The following MYOM1 variants were observed in gnomAD, a reference collection of about 807,000 sequenced individuals.
MYOM1 encodes myomesin-1.
A neutral mutation model predicts 205.3 loss-of-function variants in MYOM1; 164 were observed. The observed-to-expected ratio is 0.80, with a 90% CI of 0.70 to 0.91. The LOEUF is 0.91. Among genes scored for constraint, MYOM1 ranks in the 40% least tolerant of loss-of-function variants. The pLI, the probability that MYOM1 is intolerant of heterozygous loss-of-function variation, is 0.00. For missense variants in MYOM1, 2,011 were observed against 2,127.3 expected, an observed-to-expected ratio of 0.95 and a Z score of 1.08; for synonymous variants, 772 against 789.4, an observed-to-expected ratio of 0.98 and a Z score of 0.37.
chr18:3,109,178 T>C (rs1222124633), intron 22 of MYOM1, among the ~76,000 whole-genome samples: 8 of 151,824 alleles, frequency 5.3e-5, no homozygotes, highest in Non-Finnish European at 1.2e-4. Flanking sequence ...AGATGGGGTT[T>C]CACCATGTTG....
Position 3,179,978 on chromosome 18 carries a change from A to AT in MYOM1, c.930-3845dup, listed in dbSNP as rs1270130381. On this transcript the variant is annotated intron_variant, in intron 5 of 37. Coordinates refer to ENST00000356443, the MANE Select transcript of MYOM1 (RefSeq NM_003803.4). The surrounding 1 kb of genome is among the most constrained non-coding windows in gnomAD (Gnocchi z 4.4). ...CGGCTTCGGATCAAAAGTATTGCTCATATCTCTATAAAATTTTCATTACAA... is the reference window on the plus strand; with the variant it reads ...CGGCTTCGGATCAAAAGTATTGCTCATTATCTCTATAAAATTTTCATTACAA... 1.3e-5 allele frequency among the ~76,000 whole-genome samples: 2 copies of AT among 151,996 alleles called. No homozygotes were observed. The highest frequency in any genetic ancestry group is 1.3e-4 in the Admixed American group (2 of 15,254).
At position 3,161,209 on chromosome 18, in the gene MYOM1, T is replaced by C. The variant is rs558447912; in HGVS notation, c.1501+3069A>G. 2.0e-5 allele frequency among the ~76,000 whole-genome samples: 3 copies of C among 152,294 alleles called. No homozygotes were observed. The East Asian group carries it at 5.8e-4, about 29-fold the overall frequency. On this transcript the variant is annotated intron_variant, in intron 10 of 37. Transcript: ENST00000356443. ...TGATATAGACTTTTTCATGATGCCT[T>C]TGTGGTGGAGAAAGCCTTATATGCT... is the stretch of plus-strand genomic sequence containing the variant.
intron 21 of MYOM1, 30 bp downstream of exon 21, chr18:3,116,301 A>G (rs1460848963): frequency 6.2e-7 from 1 of 1,601,090 alleles, no homozygotes; most frequent in East Asian, 2.2e-5. Context: ...CAGTTAGTAG[A>G]GGAAGCTCTA....
chr18:3,127,299 ATATATATTTTTT>A (rs1341701738), intron 18 of MYOM1, among the ~76,000 whole-genome samples: 119 of 49,888 alleles, frequency 2.4e-3, no homozygotes, highest in African/African-American at 9.3e-3. Context: ...ATATATATAT[ATATATATTTTTT>A]TTTTTTTTTT....
At chr18:3,071,910 G>A (rs1029829638) in intron 36 of MYOM1, 21 bp from the exon 37 acceptor site, 3 of 1,596,658 alleles carry the variant, frequency 1.9e-6, no homozygotes, top group Non-Finnish European at 2.6e-6. Flanking sequence ...AGGCATTTTG[G>A]GTTAATCACT....
upstream of MYOM1, among the ~76,000 whole-genome samples, chr18:3,222,451 A>C (rs1287444483): frequency 1.3e-5 from 2 of 152,206 alleles, no homozygotes; most frequent in Admixed American, 1.3e-4. Context: ...TTTCACAGGG[A>C]TCTTGAGTAT....
Position 3,135,796 on chromosome 18 carries a change from A to G in MYOM1, c.2026-66T>C. 6.4e-7 allele frequency: 1 copy of G among 1,566,742 alleles called. No homozygotes were observed. Among genetic ancestry groups the G allele is most frequent in the Admixed American group, 1.8e-5 (1 of 57,032 alleles). On this transcript the variant is annotated intron_variant, in intron 14 of 37. Transcript: ENST00000356443. The surrounding 1 kb of genome is among the most constrained non-coding windows in gnomAD (Gnocchi z 4.1). ...CACAAGCGAGAATCCAGGCCAGGCAACTCCAAGTTTCATTCATCTGCAACA... is the reference window on the plus strand; with the variant it reads ...CACAAGCGAGAATCCAGGCCAGGCAGCTCCAAGTTTCATTCATCTGCAACA...
chr18:3,137,142 G>C (rs573724522), intron 14 of MYOM1, among the ~76,000 whole-genome samples: 1 of 151,906 alleles, frequency 6.6e-6, no homozygotes, highest in African/African-American at 2.4e-5. Context: ...AGTAGAGGGG[G>C]GTTTCACCGT....
chr18:3,118,200 G>A (rs1262556219), intron 20 of MYOM1, among the ~76,000 whole-genome samples: 1 of 152,120 alleles, frequency 6.6e-6, no homozygotes, highest in Non-Finnish European at 1.5e-5. Context: ...CTTCCATAAG[G>A]GATTTCTTGA....
At chr18:3,129,189 G>A (rs778791918) in intron 18 of MYOM1, 43 bp downstream of exon 18, 7 of 1,584,874 alleles carry the variant, frequency 4.4e-6, no homozygotes, top group Non-Finnish European at 6.0e-6. Context: ...GGTGAGGACA[G>A]TGATGGAGAC....
At chr18:3,238,978 GATAATCTCTGTATTTTA>G in the MYOM1 span, among the ~76,000 whole-genome samples, 1 of 152,168 alleles carries the variant, frequency 6.6e-6, no homozygotes, top group East Asian at 1.9e-4. Flanking sequence ...GATAGTACAG[GATAATCTCTGTATTTTA>G]AGATCAGCTC....
At position 3,179,178 on chromosome 18, in the gene MYOM1, T is replaced by C. The variant is rs1398576617; in HGVS notation, c.930-3044A>G. On this transcript the variant is annotated intron_variant, in intron 5 of 37. Coordinates refer to ENST00000356443, the MANE Select transcript of MYOM1 (RefSeq NM_003803.4). The surrounding 1 kb of genome is among the most constrained non-coding windows in gnomAD (Gnocchi z 4.4). ...GCCACTGTGCCTGGCCTGATCCACATTTACTTCTATTCCTACTCCTGAGGA... is the reference window on the plus strand; with the variant it reads ...GCCACTGTGCCTGGCCTGATCCACACTTACTTCTATTCCTACTCCTGAGGA... Among the ~76,000 whole-genome samples, 1 of 152,072 alleles carries C rather than the reference T, an allele frequency of 6.6e-6. No homozygotes were observed. The highest frequency in any genetic ancestry group is 1.9e-4 in the East Asian group (1 of 5,190).
chr18:3,109,127 C>T (rs1370896511), intron 22 of MYOM1, among the ~76,000 whole-genome samples: 4 of 151,682 alleles, frequency 2.6e-5, no homozygotes, highest in African/African-American at 4.8e-5. Context: ...ATTACAGATG[C>T]CCGCCACACG....
At chr18:3,203,276 T>C (rs2081089501) in intron 2 of MYOM1, among the ~76,000 whole-genome samples, 1 of 149,698 alleles carries the variant, frequency 6.7e-6, no homozygotes, top group Admixed American at 6.7e-5. Context: ...AGAAGGGCAA[T>C]ATAATGAAGA....
the MYOM1 span, among the ~76,000 whole-genome samples, chr18:3,242,718 A>G: frequency 6.6e-6 from 1 of 152,184 alleles, no homozygotes; most frequent in African/African-American, 2.4e-5. Flanking sequence ...CATGTTGGCC[A>G]GGCTAGTCTC....
At chr18:3,131,566 G>A in intron 16 of MYOM1, 70 bp from the exon 17 acceptor site, 1 of 1,368,278 alleles carries the variant, frequency 7.3e-7, no homozygotes, top group Admixed American at 2.0e-5. Context: ...TTAGCTTAAT[G>A]GAGTGGATCT....
the MYOM1 span, among the ~76,000 whole-genome samples, chr18:3,242,630 T>TC: frequency 6.6e-6 from 1 of 152,150 alleles, no homozygotes; most frequent in African/African-American, 2.4e-5. Context: ...AACCTCAGCC[T>TC]CCCGAGTAGC....
chr18:3,194,018 T>G (rs1423587150), intron 2 of MYOM1, 60 bp from the exon 3 acceptor site: 1 of 1,555,520 alleles, frequency 6.4e-7, no homozygotes, highest in African/African-American at 1.4e-5. Flanking sequence ...ATATTCAAAA[T>G]ACGATAGAGG....
At chr18:3,197,506 A>G (rs993221626) in intron 2 of MYOM1, among the ~76,000 whole-genome samples, 9 of 152,208 alleles carry the variant, frequency 5.9e-5, no homozygotes, top group African/African-American at 2.2e-4. Flanking sequence ...ATACTACTGT[A>G]TAAATAGTCT....
Sources: allele counts gnomAD v4.1 joint callset (sites outside exome capture counted in the v4.1 genomes callset), GRCh38; gene constraint gnomAD v4.1.1; non-coding constraint Gnocchi (gnomAD v3.1); transcripts MANE v1.5; gene names NCBI Gene and HGNC (gene_info 2026-07-23, HGNC 2026-07-21).